The following SLC22A23 variants were observed in gnomAD, a reference collection of about 807,000 sequenced individuals.
The protein encoded by SLC22A23 is ion transporter protein.
SLC22A23 carries 26 observed loss-of-function variants against 61.0 expected under a neutral mutation model. The ratio of observed to expected loss-of-function variants is 0.43; its 90% CI spans 0.31 to 0.59. SLC22A23 has a LOEUF of 0.59. SLC22A23 is among the 20% of genes least tolerant of loss of function. The pLI is 0.11. For missense variants in SLC22A23, 796 were observed against 934.7 expected (o/e 0.85, Z 1.94); for synonymous variants, 430 against 413.9 (o/e 1.04, Z -0.47).
chr6:3,355,496 T>C (rs1218153305), intron 3 of SLC22A23, among the ~76,000 whole-genome samples: 1 of 152,248 alleles, frequency 6.6e-6, no homozygotes, highest in East Asian at 1.9e-4. Flanking sequence ...ATAGATATTT[T>C]CCCTCTTACC....
chr6:3,270,817 C>T lies in SLC22A23; in HGVS notation c.*2238G>A, dbSNP rs1265749755. 1 of 151,698 alleles carries T rather than the reference C, an allele frequency of 6.6e-6. No homozygotes were observed. Among genetic ancestry groups the T allele is most frequent in the Non-Finnish European group, 1.5e-5 (1 of 67,980 alleles). The allele number at this position is 151,698 out of a possible 1,614,324, so 9.4% of individuals were successfully genotyped here. A position where few individuals can be genotyped will look rare whatever the true frequency, so the allele number is the denominator to read the frequency against. On this transcript the variant is annotated 3_prime_UTR_variant, in exon 10 of 10. Coordinates refer to ENST00000406686, the MANE Select transcript of SLC22A23 (RefSeq NM_015482.2). ...AACTTCCTAGAGATTTCGGGCAGCACTCTACAGCTTCAATTTCCAAAAAAA... is the reference window on the plus strand; with the variant it reads ...AACTTCCTAGAGATTTCGGGCAGCATTCTACAGCTTCAATTTCCAAAAAAA...
chr6:3,415,478 G>A (rs943932324), intron 2 of SLC22A23, among the ~76,000 whole-genome samples: 12 of 152,160 alleles, frequency 7.9e-5, no homozygotes, highest in African/African-American at 2.9e-4. Flanking sequence ...CTAATGAAAC[G>A]TCAAAGGTTA....
chr6:3,369,840 A>G (rs947519322), intron 3 of SLC22A23, among the ~76,000 whole-genome samples: 5 of 152,262 alleles, frequency 3.3e-5, no homozygotes, highest in African/African-American at 1.2e-4. Context: ...ACATGGCTTC[A>G]GTTTTAGAAA....
chr6:3,287,205 G>T, intron 6 of SLC22A23, 114 bp from the exon 7 acceptor site: 7 of 945,882 alleles, frequency 7.4e-6, no homozygotes, highest in Non-Finnish European at 1.1e-5. Flanking sequence ...AACTCAATGT[G>T]TCATAGAAAA....
intron 4 of SLC22A23, among the ~76,000 whole-genome samples, chr6:3,302,365 CTT>C (rs1561882214): frequency 6.6e-6 from 1 of 151,982 alleles, no homozygotes; most frequent in Non-Finnish European, 1.5e-5. Context: ...TTTTTAAAAT[CTT>C]TTCAAAAAAC....
chr6:3,306,493 G>A (rs1761983574), intron 4 of SLC22A23, among the ~76,000 whole-genome samples: 1 of 152,306 alleles, frequency 6.6e-6, no homozygotes, highest in African/African-American at 2.4e-5. Flanking sequence ...TTACAGATGG[G>A]AAAACTCAGG....
intron 1 of SLC22A23, among the ~76,000 whole-genome samples, chr6:3,440,209 T>A (rs1561984462): frequency 2.0e-5 from 3 of 152,166 alleles, no homozygotes; most frequent in African/African-American, 7.2e-5. Flanking sequence ...CAGATACAGA[T>A]CAGAGCTGCC....
chr6:3,455,884 A>C (rs1180965596), intron 1 of SLC22A23, 22 bp downstream of exon 1: 3 of 1,478,074 alleles, frequency 2.0e-6, no homozygotes, highest in African/African-American at 2.8e-5. Flanking sequence ...GGTTGGAGGG[A>C]CTGGGCGGCT....
chr6:3,383,422 C>T (rs1224658370), intron 3 of SLC22A23, among the ~76,000 whole-genome samples: 1 of 152,230 alleles, frequency 6.6e-6, no homozygotes, highest in Non-Finnish European at 1.5e-5. Context: ...TGAACGTGCA[C>T]GGTGTAGAAT....
At chr6:3,323,811 G>T in intron 4 of SLC22A23, 23 bp downstream of exon 4, 1 of 1,600,714 alleles carries the variant, frequency 6.2e-7, no homozygotes, top group East Asian at 2.2e-5. Flanking sequence ...ACCAGCCCAG[G>T]GCGCTGTGCA....
Position 3,456,030 on chromosome 6 carries a change from G to A in SLC22A23, c.530C>T (p.Ala177Val). The change falls in exon 1 of 10, where the codon GCG (alanine) becomes GTG (valine). Residue 177 changes from alanine to valine, a missense_variant. Ala to Val is a moderately conservative substitution (Grantham distance 64). Coordinates refer to ENST00000406686, the MANE Select transcript of SLC22A23 (RefSeq NM_015482.2). The surrounding 1 kb of genome is among the most constrained non-coding windows in gnomAD (Gnocchi z 7.1). ...CAGGGGTGGTGTGTCGCCTCCGTCC[G>A]CGCCGCTGCTGTTGCTCCGGTTGCC... is the stretch of plus-strand genomic sequence containing the variant. ...AAGNRSNSSG[A>V]DGGDTPPLPS... 6 of 1,547,500 alleles carry A rather than the reference G, an allele frequency of 3.9e-6. No homozygotes were observed. The highest frequency in any genetic ancestry group is 5.2e-6 in the Non-Finnish European group (6 of 1,146,804).
At chr6:3,274,735 A>C (rs1201103663) in intron 9 of SLC22A23, among the ~76,000 whole-genome samples, 1 of 152,272 alleles carries the variant, frequency 6.6e-6, no homozygotes, top group African/African-American at 2.4e-5. Flanking sequence ...TGAAAATGCC[A>C]TTCACAATAA....
chr6:3,439,814 CAAG>C (rs1771470440), intron 1 of SLC22A23, among the ~76,000 whole-genome samples: 1 of 152,014 alleles, frequency 6.6e-6, no homozygotes, highest in Non-Finnish European at 1.5e-5. Flanking sequence ...AAGAGGGAGC[CAAG>C]AAGGTCTGAA....
At chr6:3,354,460 G>A (rs1319919238) in intron 3 of SLC22A23, among the ~76,000 whole-genome samples, 2 of 152,166 alleles carry the variant, frequency 1.3e-5, no homozygotes, top group African/African-American at 2.4e-5. Flanking sequence ...TAAGTTCCTC[G>A]ATTGTAGTGA....
intron 9 of SLC22A23, chr6:3,283,629 C>T (rs943117528): frequency 1.8e-6 from 1 of 559,120 alleles, no homozygotes; most frequent in Non-Finnish European, 3.2e-6. Context: ...GTTCCCCCTT[C>T]CTCCTGCTGC....
intron 3 of SLC22A23, among the ~76,000 whole-genome samples, chr6:3,399,378 T>C (rs1346288968): frequency 1.3e-5 from 2 of 152,078 alleles, no homozygotes; most frequent in African/African-American, 4.8e-5. Flanking sequence ...GAAAATACAA[T>C]AAAAAATGAA....
intron 9 of SLC22A23, among the ~76,000 whole-genome samples, chr6:3,279,781 A>G (rs1759266664): frequency 6.6e-6 from 1 of 152,114 alleles, no homozygotes; most frequent in African/African-American, 2.4e-5. Context: ...TGCTTGATTT[A>G]CGGACAGAGA....
Position 3,408,815 on chromosome 6 carries a change from G to A in SLC22A23, c.913+1373C>T, listed in dbSNP as rs150285298. Among the ~76,000 whole-genome samples the A allele has an allele frequency of 1.8e-3, 276 of 152,306 alleles. 3 individuals are homozygous for A. Among genetic ancestry groups the A allele is most frequent in the African/African-American group, 6.1e-3 (253 of 41,562 alleles). The stretch of plus-strand genomic sequence containing the variant: ...GCTGTCCCCTTTTATGACCATCCAC[G>A]TGAGAGGACTGGACTGCCCTCCCCC... On this transcript the variant is annotated intron_variant, in intron 3 of 9. Coordinates refer to ENST00000406686, the MANE Select transcript of SLC22A23 (RefSeq NM_015482.2).
intron 3 of SLC22A23, among the ~76,000 whole-genome samples, chr6:3,376,340 T>C (rs1282622355): frequency 2.0e-5 from 3 of 152,168 alleles, no homozygotes; most frequent in Non-Finnish European, 4.4e-5. Flanking sequence ...AAAGCAAACC[T>C]TCCCACTGTC....
Sources: allele counts gnomAD v4.1 joint callset (sites outside exome capture counted in the v4.1 genomes callset), GRCh38; gene constraint gnomAD v4.1.1; non-coding constraint Gnocchi (gnomAD v3.1); transcripts MANE v1.5; gene names NCBI Gene and HGNC (gene_info 2026-07-23, HGNC 2026-07-21).